Variants in GOLGA3 observed in about 807,000 individuals in gnomAD.
GOLGA3 encodes the protein golgin A3.
Under a neutral mutation model 169.4 loss-of-function variants are expected in GOLGA3, and 75 were observed. The observed-to-expected ratio is 0.44, with a 90% CI of 0.37 to 0.54. The LOEUF (loss-of-function observed/expected upper bound fraction) is 0.54. GOLGA3 is among the 20% of genes least tolerant of loss of function. The probability of loss-of-function intolerance (pLI) is 0.00; values close to 1 mark genes in which losing one functional copy is unlikely to be tolerated. For synonymous variants in GOLGA3, 824 were observed against 822.4 expected, an observed-to-expected ratio of 1.00 and a Z score of -0.03; for missense variants, 1,899 against 1,930.0, an observed-to-expected ratio of 0.98 and a Z score of 0.30.
chr12:132,828,732 C>A, intron 1 of GOLGA3, 71 bp downstream of exon 1: 2 of 36,112 alleles, frequency 5.5e-5, no homozygotes, highest in South Asian at 1.6e-3. Context: ...CTCCCCCGCC[C>A]ATGCACTGCG....
chr12:132,825,073 G>A (rs1950355374), intron 1 of GOLGA3, among the ~76,000 whole-genome samples: 1 of 152,122 alleles, frequency 6.6e-6, no homozygotes, highest in Non-Finnish European at 1.5e-5. Context: ...ACTGAATACT[G>A]GTACCCTGTA....
rs780020962 is a variant in GOLGA3, at chr12:132,816,706, C to T, written c.240G>A (p.Ser80=). ...GPTPPFPDPP[S]SLDPTTSPVG... ...CTGGGCTTGTGGTGGGATCGAGAGA[C>T]GACGGAGGGTCTGGGAAGGGTGGCG... The change falls in exon 3 of 24, where the codon TCG becomes TCA. Residue 80 remains serine (S), a synonymous_variant. Coordinates refer to ENST00000450791, the MANE Select transcript of GOLGA3 (RefSeq NM_001389683.1). The T allele has an allele frequency of 9.9e-6, 16 of 1,613,994 alleles. No homozygotes were observed. Among genetic ancestry groups the T allele is most frequent in the African/African-American group, 4.0e-5 (3 of 74,894 alleles).
intron 12 of GOLGA3, among the ~76,000 whole-genome samples, chr12:132,790,120 A>G (rs1316070995): frequency 6.6e-6 from 1 of 152,104 alleles, no homozygotes; most frequent in Non-Finnish European, 1.5e-5. Context: ...TCACGAGGTC[A>G]GGAGATTGAG....
intron 6 of GOLGA3, among the ~76,000 whole-genome samples, 165 bp downstream of exon 6, chr12:132,807,012 G>A (rs1040097156): frequency 2.6e-5 from 4 of 152,114 alleles, no homozygotes; most frequent in African/African-American, 9.7e-5. Flanking sequence ...CTCTTTCTAA[G>A]GCTGACAAGT....
chr12:132,790,548 C>CT (rs2046171858), intron 12 of GOLGA3, among the ~76,000 whole-genome samples: 1 of 152,126 alleles, frequency 6.6e-6, no homozygotes, highest in African/African-American at 2.4e-5. Context: ...TGCTGGAACT[C>CT]TATGTGCATT....
intron 11 of GOLGA3, among the ~76,000 whole-genome samples, chr12:132,794,181 C>A (rs947585276): frequency 6.6e-6 from 1 of 152,130 alleles, no homozygotes; most frequent in Non-Finnish European, 1.5e-5. Context: ...GAAACCTCAG[C>A]CCCCACGTGG....
chr12:132,779,467 C>T (rs991813455), intron 18 of GOLGA3, among the ~76,000 whole-genome samples: 6 of 152,314 alleles, frequency 3.9e-5, no homozygotes, highest in East Asian at 1.9e-4. Flanking sequence ...TTCTTTTCAT[C>T]TCAATTACAT....
chr12:132,804,901 T>C lies in GOLGA3; in HGVS notation c.1412A>G (p.Asp471Gly). The change falls in exon 7 of 24, where the codon GAC (aspartate) becomes GGC (glycine). Residue 471 changes from aspartate to glycine, a missense_variant. Transcript: ENST00000450791. The surrounding 1 kb of genome is among the most constrained non-coding windows in gnomAD (Gnocchi z 4.1). ...QRQDSLSSEV[D>G]TLKQSCWDLE... ...GTCCCAGCACGACTGCTTCAGGGTGTCCACCTCCGAGCTCAGCGAATCCTG... is the reference window on the plus strand; with the variant it reads ...GTCCCAGCACGACTGCTTCAGGGTGCCCACCTCCGAGCTCAGCGAATCCTG... 2 of 1,613,984 alleles carry C rather than the reference T, an allele frequency of 1.2e-6. No individual in the cohort carries two copies. Among genetic ancestry groups the C allele is most frequent in the Non-Finnish European group, 1.7e-6 (2 of 1,180,030 alleles).
At position 132,777,669 on chromosome 12, in the gene GOLGA3, A is replaced by T; in HGVS notation, c.3719T>A (p.Leu1240His). The T allele has an allele frequency of 6.2e-7, 1 of 1,613,846 alleles. No homozygotes were observed. Among genetic ancestry groups the T allele is most frequent in the Non-Finnish European group, 8.5e-7 (1 of 1,179,884 alleles). ...CTGGCGGGGCCCAGGCACTCACTGA[A>T]GGTCGTCGGCCTCGGCCTGCAGCTT... ...VQKLQAEADD[L>H]QIREGKHSQE... is the part of the protein sequence containing the mutation. Residue 1240 changes from leucine to histidine, a missense_variant, in exon 19 of 24, where the codon CTT becomes CAT. Leu to His is a moderately conservative substitution (Grantham distance 99, BLOSUM62 -3). Transcript: ENST00000450791. This position sits in a 1 kb window ranked among gnomAD's most constrained non-coding sequence, Gnocchi z 4.7.
chr12:132,809,586 T>C (rs1030817114), intron 4 of GOLGA3, among the ~76,000 whole-genome samples: 3 of 152,246 alleles, frequency 2.0e-5, no homozygotes, highest in Non-Finnish European at 4.4e-5. Flanking sequence ...AGCCCTCTGG[T>C]GGCCCTGTCT....
rs113224464 is a variant in GOLGA3 at position 132,814,168 on chromosome 12, G to A, written c.407-749C>T. 4.7e-3 allele frequency among the ~76,000 whole-genome samples: 721 copies of A among 151,858 alleles called. 2 individuals are homozygous for A. Among genetic ancestry groups the A allele is most frequent in the African/African-American group, 0.016 (681 of 41,382 alleles). On this transcript the variant is annotated intron_variant, in intron 3 of 23. Transcript: ENST00000450791. ...GCCTCCTGAGTAGGTGGGATTACAG[G>A]CATGCAACACGACCCCTGACGACTT...
intron 2 of GOLGA3, among the ~76,000 whole-genome samples, chr12:132,820,336 C>T (rs1346348040): frequency 6.6e-6 from 1 of 152,192 alleles, no homozygotes; most frequent in Non-Finnish European, 1.5e-5. Context: ...AACACCCTGA[C>T]TCTAAAAACA....
intron 3 of GOLGA3, among the ~76,000 whole-genome samples, chr12:132,815,201 G>GT (rs1362320913): frequency 5.3e-5 from 8 of 152,316 alleles, no homozygotes; most frequent in Non-Finnish European, 1.2e-4. Flanking sequence ...TGGCTAGACC[G>GT]TAAGTGGCAA....
intron 2 of GOLGA3, among the ~76,000 whole-genome samples, chr12:132,818,006 A>G (rs11147094): frequency 6.6e-4 from 27 of 40,826 alleles, no homozygotes; most frequent in African/African-American, 3.1e-3. Context: ...AGGTGAACTC[A>G]CCCTCCACTC....
intron 8 of GOLGA3, among the ~76,000 whole-genome samples, chr12:132,801,233 G>A (rs957033715): frequency 6.6e-6 from 1 of 152,236 alleles, no homozygotes; most frequent in Non-Finnish European, 1.5e-5. Context: ...CCAACAGGAC[G>A]TAGAAAATGC....
rs889916320 is a variant in GOLGA3, at chr12:132,771,014, T to C, written c.*2091A>G. 12 of 152,640 alleles carry C rather than the reference T, an allele frequency of 7.9e-5. No individual in the cohort carries two copies. The highest frequency in any genetic ancestry group is 2.7e-4 in the African/African-American group (11 of 41,458). 9.5% of individuals were successfully genotyped at this position (152,640 alleles called of 1,614,324 possible). A position where few individuals can be genotyped will look rare whatever the true frequency, so the allele number is the denominator to read the frequency against. On this transcript the variant is annotated 3_prime_UTR_variant, in exon 24 of 24. Coordinates refer to ENST00000450791, the MANE Select transcript of GOLGA3 (RefSeq NM_001389683.1). ...GAACGTAAATTGCCGTATTTTTTTTTCTAATGGTACAAGAACAATTTAGTA... is the reference window on the plus strand; with the variant it reads ...GAACGTAAATTGCCGTATTTTTTTTCCTAATGGTACAAGAACAATTTAGTA...
In GOLGA3 at chr12:132,801,688, GA is replaced by G. The variant is rs913172145; in HGVS notation, c.1800+78del. On this transcript the variant is annotated intron_variant, in intron 8 of 23. Coordinates refer to ENST00000450791, the MANE Select transcript of GOLGA3 (RefSeq NM_001389683.1). ...AACATGCCTGTGAACTCTAAAAACA[GA>G]AAAATCTCAGGAAAAAGCACCGTTC... 4 of 1,385,608 alleles carry G rather than the reference GA, an allele frequency of 2.9e-6. No homozygotes were observed. In the African/African-American group the frequency reaches 5.7e-5, roughly 20 times the overall value. The allele number at this position is 1,385,608 out of a possible 1,614,324, so 85.8% of individuals were successfully genotyped here.
Position 132,816,791 on chromosome 12 carries a change from G to A in GOLGA3, c.155C>T (p.Ser52Phe). The part of the protein sequence containing the change: ...KVQCAEVNRA[S>F]TEGESPDGPG... Reference sequence around the variant, plus strand: ...TCCATCCGGGCTTTCCCCTTCCGTGGATGCTCTGTTTACCTCGGCACCTGG... The same window carrying A: ...TCCATCCGGGCTTTCCCCTTCCGTGAATGCTCTGTTTACCTCGGCACCTGG... Residue 52 changes from serine to phenylalanine, a missense_variant, in exon 3 of 24, where the codon TCC becomes TTC. Coordinates refer to ENST00000450791, the MANE Select transcript of GOLGA3 (RefSeq NM_001389683.1). 1 of 1,603,220 alleles carries A rather than the reference G, an allele frequency of 6.2e-7. No homozygotes were observed. The highest frequency in any genetic ancestry group is 1.3e-5 in the African/African-American group (1 of 74,760).
At chr12:132,806,316 A>G (rs1264069478) in intron 6 of GOLGA3, among the ~76,000 whole-genome samples, 2 of 152,160 alleles carry the variant, frequency 1.3e-5, no homozygotes, top group African/African-American at 4.8e-5. Context: ...TACACAGAGG[A>G]GGGGAAATGC....
Sources: gnomAD v4.1 joint callset for allele counts (sites outside exome capture counted in the v4.1 genomes callset) on GRCh38, gnomAD v4.1.1 for gene constraint, Gnocchi (gnomAD v3.1) non-coding constraint, MANE v1.5 for transcripts, NCBI Gene and HGNC (gene_info 2026-07-23, HGNC 2026-07-21) for gene names.